Variants in RANBP2 observed in about 807,000 individuals in gnomAD.
RANBP2 encodes the protein E3 SUMO-protein ligase RanBP2.
A neutral mutation model predicts 303.6 loss-of-function variants in RANBP2; 57 were observed. That is an observed-to-expected ratio of 0.19 (90% CI 0.15 to 0.23). The LOEUF is 0.23. Among genes scored for constraint, RANBP2 ranks in the 10% least tolerant of loss-of-function variants. The pLI is 1.00. For synonymous variants in RANBP2, 1,167 were observed against 1,301.5 expected (o/e 0.90, Z 2.23); for missense variants, 3,138 against 3,780.8 (o/e 0.83, Z 4.46).
intron 1 of RANBP2, among the ~76,000 whole-genome samples, chr2:108,721,307 A>G (rs1393693950): frequency 6.6e-6 from 1 of 152,188 alleles, no homozygotes; most frequent in Non-Finnish European, 1.5e-5. Context: ...CCTCCAGAGG[A>G]GGAGGATAGA....
At chr2:109,031,676 C>T in the RANBP2 span, among the ~76,000 whole-genome samples, 3 of 152,196 alleles carry the variant, frequency 2.0e-5, no homozygotes, top group South Asian at 4.1e-4. Context: ...AGCGCCGCTT[C>T]AGCGTCGGCC....
At chr2:109,252,567 T>A in the RANBP2 span, among the ~76,000 whole-genome samples, 74 of 152,304 alleles carry the variant, frequency 4.9e-4, 1 homozygote, top group East Asian at 9.5e-3. Flanking sequence ...TCAGGCAAAC[T>A]AGAATGACAG....
the RANBP2 span, chr2:108,910,825 C>G: frequency 6.2e-7 from 1 of 1,614,012 alleles, no homozygotes; most frequent in Admixed American, 1.7e-5. Context: ...CCTCCACGCT[C>G]TTCCCCGGGT....
chr2:109,400,740 G>A, the RANBP2 span, among the ~76,000 whole-genome samples: 14 of 152,268 alleles, frequency 9.2e-5, no homozygotes, highest in East Asian at 1.5e-3. Context: ...TCTCATCGGC[G>A]GCTGAGGCTG....
At chr2:108,737,142 G>T (rs1695651727) in intron 6 of RANBP2, among the ~76,000 whole-genome samples, 1 of 152,086 alleles carries the variant, frequency 6.6e-6, no homozygotes, top group African/African-American at 2.4e-5. Flanking sequence ...GTACATAAAA[G>T]TACCTAAATT....
the RANBP2 span, among the ~76,000 whole-genome samples, chr2:109,507,068 C>T: frequency 9.1e-4 from 139 of 152,284 alleles, no homozygotes; most frequent in African/African-American, 3.2e-3. Flanking sequence ...CAGGAGTGGT[C>T]GGCTCTGAGC....
the RANBP2 span, among the ~76,000 whole-genome samples, chr2:109,447,147 T>TAAAAAAAAA: frequency 4.8e-5 from 4 of 82,690 alleles, no homozygotes; most frequent in Non-Finnish European, 5.4e-5. Context: ...CCTGAATATT[T>TAAAAAAAAA]AAAAAAAAAA....
the RANBP2 span, chr2:109,129,453 C>T: frequency 6.7e-7 from 1 of 1,493,786 alleles, no homozygotes. Flanking sequence ...GCCCGGCTCC[C>T]CAGTCCTGAT....
chr2:108,804,869 T>G, the RANBP2 span: 5 of 1,400,736 alleles, frequency 3.6e-6, no homozygotes, highest in East Asian at 2.6e-5. Flanking sequence ...TAGATGAGAG[T>G]TTTTTTTTTC....
At chr2:109,585,911 T>C in the RANBP2 span, 3 of 1,044,556 alleles carry the variant, frequency 2.9e-6, no homozygotes, top group East Asian at 2.5e-5. Context: ...GTAGGCACAC[T>C]TGAAGGACAA....
At chr2:109,427,873 C>T in the RANBP2 span, among the ~76,000 whole-genome samples, 2 of 152,258 alleles carry the variant, frequency 1.3e-5, no homozygotes, top group African/African-American at 4.8e-5. Flanking sequence ...GCAGTGCTCC[C>T]GGAGCTGGCC....
chr2:109,206,601 A>T, the RANBP2 span, among the ~76,000 whole-genome samples: 2 of 150,560 alleles, frequency 1.3e-5, no homozygotes, highest in African/African-American at 2.4e-5. Context: ...TTGAGGCTGG[A>T]GTTCAAGACC....
At chr2:109,358,764 C>T in the RANBP2 span, among the ~76,000 whole-genome samples, 1 of 152,178 alleles carries the variant, frequency 6.6e-6, no homozygotes, top group Non-Finnish European at 1.5e-5. Context: ...GTATCTTTTG[C>T]AGAGTACAAA....
At chr2:109,501,624 A>G in the RANBP2 span, 1 of 778,180 alleles carries the variant, frequency 1.3e-6, no homozygotes, top group Non-Finnish European at 2.4e-6. Context: ...CCTGCAGCGG[A>G]ACGGCCGCAC....
chr2:109,212,001 A>G, the RANBP2 span, among the ~76,000 whole-genome samples: 1 of 152,352 alleles, frequency 6.6e-6, no homozygotes, highest in Non-Finnish European at 1.5e-5. Flanking sequence ...CACTGAATTC[A>G]ATAAATGACT....
chr2:109,236,157 A>T, the RANBP2 span, among the ~76,000 whole-genome samples: 1 of 152,150 alleles, frequency 6.6e-6, no homozygotes, highest in Non-Finnish European at 1.5e-5. Context: ...CATTTTTAGA[A>T]CTCTTAATCA....
chr2:108,869,356 T>C, the RANBP2 span, among the ~76,000 whole-genome samples: 1 of 152,180 alleles, frequency 6.6e-6, no homozygotes, highest in Non-Finnish European at 1.5e-5. Flanking sequence ...GGCCCAGTTC[T>C]CCATTCCCTT....
the RANBP2 span, among the ~76,000 whole-genome samples, chr2:109,041,364 C>T: frequency 1.3e-5 from 2 of 152,122 alleles, no homozygotes; most frequent in Non-Finnish European, 2.9e-5. Context: ...TAGACAACAT[C>T]CTTGTCATGA....
the RANBP2 span, among the ~76,000 whole-genome samples, chr2:109,410,011 G>A: frequency 1.3e-5 from 2 of 152,130 alleles, no homozygotes; most frequent in East Asian, 1.9e-4. Context: ...CGGAGCCCCC[G>A]TACAGCCTGC....
Sources: gnomAD v4.1 joint callset for allele counts (sites outside exome capture counted in the v4.1 genomes callset) on GRCh38, gnomAD v4.1.1 for gene constraint, MANE v1.5 for transcripts, NCBI Gene and HGNC (gene_info 2026-07-23, HGNC 2026-07-21) for gene names.